Variants in MPPED2 observed in about 807,000 individuals in gnomAD.
The protein encoded by MPPED2 is metallophosphoesterase MPPED2.
In MPPED2, 5 loss-of-function variants were observed where a neutral mutation model predicts 33.0. The observed-to-expected ratio is 0.15, with a 90% CI of 0.08 to 0.32. The LOEUF is 0.32. Ranked by LOEUF, MPPED2 falls within the 10% of genes least tolerant of loss-of-function variation. The pLI is 1.00. For missense variants in MPPED2, 275 were observed against 372.1 expected (o/e 0.74, Z 2.15); for synonymous variants, 136 against 141.9 (o/e 0.96, Z 0.29).
rs759565367 is a variant in MPPED2, at chr11:30,558,672, T to C, written c.128+21574A>G. Among the ~76,000 whole-genome samples the C allele has an allele frequency of 3.5e-4, 53 of 151,978 alleles. 1 individual carries two copies. Among genetic ancestry groups the C allele is most frequent in the Non-Finnish European group, 2.4e-4 (16 of 68,004 alleles). On this transcript the variant is annotated intron_variant, in intron 2 of 6. Transcript: ENST00000358117. ...GCTGGCCTCAAGTAATAACCCTGCGTTGGCCTCCCAAAGTGCTGGGATTAC... is the reference window on the plus strand; with the variant it reads ...GCTGGCCTCAAGTAATAACCCTGCGCTGGCCTCCCAAAGTGCTGGGATTAC...
chr11:30,391,892 A>G (rs557165692), intron 6 of MPPED2, among the ~76,000 whole-genome samples: 2 of 152,344 alleles, frequency 1.3e-5, no homozygotes, highest in Non-Finnish European at 2.9e-5. Flanking sequence ...TGCATTTTCT[A>G]GTCACACCAA....
chr11:30,551,081 A>C (rs866430948), intron 2 of MPPED2, among the ~76,000 whole-genome samples: 12 of 152,318 alleles, frequency 7.9e-5, no homozygotes, highest in South Asian at 2.1e-4. Flanking sequence ...AATTATTCCC[A>C]TTGGAGTCTA....
At chr11:30,388,997 G>C in intron 6 of MPPED2, 1 of 1,525,336 alleles carries the variant, frequency 6.6e-7, no homozygotes, top group Non-Finnish European at 8.8e-7. Context: ...GAGAGAGAGA[G>C]AGATGAACAT....
chr11:30,516,710 A>T (rs959215075), intron 3 of MPPED2, among the ~76,000 whole-genome samples: 5 of 152,230 alleles, frequency 3.3e-5, no homozygotes, highest in Admixed American at 2.6e-4. Flanking sequence ...ACTGTAGATA[A>T]GTGCTAATGC....
chr11:30,472,592 G>A lies in MPPED2; in HGVS notation c.536+22704C>T, dbSNP rs147461299. On this transcript the variant is annotated intron_variant, in intron 4 of 6. Transcript: ENST00000358117. ...AATATTATTCAGCCTTACAAAGAAA[G>A]GAAATTCTAACACATGCTACAACAT... 1.4e-3 allele frequency among the ~76,000 whole-genome samples: 218 copies of A among 152,282 alleles called. 1 individual carries two copies. The highest frequency in any genetic ancestry group is 4.6e-3 in the African/African-American group (192 of 41,558).
chr11:30,518,645 A>T (rs1351392199), intron 3 of MPPED2, among the ~76,000 whole-genome samples: 1 of 152,242 alleles, frequency 6.6e-6, no homozygotes, highest in Admixed American at 6.5e-5. Flanking sequence ...AAAACTATTT[A>T]GCTATATGAT....
intron 6 of MPPED2, among the ~76,000 whole-genome samples, chr11:30,389,761 A>C (rs1408797060): frequency 1.3e-5 from 2 of 152,190 alleles, no homozygotes; most frequent in African/African-American, 4.8e-5. Flanking sequence ...TGAGAGGCTG[A>C]GGCAGGTGTT....
chr11:30,578,464 CA>C (rs1397807188), intron 2 of MPPED2, among the ~76,000 whole-genome samples: 1 of 152,112 alleles, frequency 6.6e-6, no homozygotes, highest in East Asian at 1.9e-4. Context: ...TTTGATCCTT[CA>C]AATTTGTTAT....
At chr11:30,494,727 TA>T (rs1243589654) in intron 4 of MPPED2, among the ~76,000 whole-genome samples, 6 of 73,296 alleles carry the variant, frequency 8.2e-5, no homozygotes, top group Admixed American at 7.3e-4. Flanking sequence ...AACAGAGAGA[TA>T]CTCCACCTCA....
At chr11:30,489,752 C>A (rs941243166) in intron 4 of MPPED2, among the ~76,000 whole-genome samples, 2 of 152,220 alleles carry the variant, frequency 1.3e-5, no homozygotes, top group African/African-American at 4.8e-5. Context: ...AAGCCCCACT[C>A]ATATTCATTA....
At chr11:30,431,903 G>C (rs1221381698) in intron 4 of MPPED2, among the ~76,000 whole-genome samples, 3 of 152,086 alleles carry the variant, frequency 2.0e-5, no homozygotes, top group African/African-American at 7.2e-5. Flanking sequence ...AGCCGGGCAC[G>C]GTGGCTCACG....
intron 6 of MPPED2, among the ~76,000 whole-genome samples, chr11:30,397,846 T>C (rs1439225618): frequency 6.6e-6 from 1 of 152,090 alleles, no homozygotes; most frequent in Non-Finnish European, 1.5e-5. Flanking sequence ...ATGAAAGCTG[T>C]TTACCACCAT....
At chr11:30,404,508 G>C (rs755225953) in intron 6 of MPPED2, among the ~76,000 whole-genome samples, 1 of 152,170 alleles carries the variant, frequency 6.6e-6, no homozygotes, top group African/African-American at 2.4e-5. Context: ...GAAGCTACTT[G>C]GGATTGACAC....
chr11:30,535,858 A>T, intron 3 of MPPED2, 136 bp downstream of exon 3: 2 of 612,708 alleles, frequency 3.3e-6, no homozygotes, highest in Non-Finnish European at 5.3e-6. Context: ...GAATTGGATT[A>T]AAGCTAGACA....
chr11:30,514,921 C>G (rs201540833), intron 3 of MPPED2, among the ~76,000 whole-genome samples: 1 of 152,122 alleles, frequency 6.6e-6, no homozygotes, highest in East Asian at 1.9e-4. Flanking sequence ...TGTGGTGAAA[C>G]TCATCTCTAC....
intron 4 of MPPED2, among the ~76,000 whole-genome samples, chr11:30,489,866 C>T (rs2134174664): frequency 6.6e-6 from 1 of 152,186 alleles, no homozygotes; most frequent in African/African-American, 2.4e-5. Context: ...GCAATATAGA[C>T]CTTTCACTTT....
At chr11:30,557,904 A>G (rs1686936812) in intron 2 of MPPED2, among the ~76,000 whole-genome samples, 1 of 152,244 alleles carries the variant, frequency 6.6e-6, no homozygotes. Context: ...GAACTCACTA[A>G]TGAATTTTAT....
At chr11:30,506,512 AT>A (rs945973826) in intron 3 of MPPED2, among the ~76,000 whole-genome samples, 13 of 152,160 alleles carry the variant, frequency 8.5e-5, no homozygotes, top group African/African-American at 3.1e-4. Flanking sequence ...TGATATGTTT[AT>A]TTTTCCCCCA....
At chr11:30,391,892 A>C (rs557165692) in intron 6 of MPPED2, among the ~76,000 whole-genome samples, 1 of 152,226 alleles carries the variant, frequency 6.6e-6, no homozygotes, top group Non-Finnish European at 1.5e-5. Flanking sequence ...TGCATTTTCT[A>C]GTCACACCAA....
Sources: gnomAD v4.1 joint callset for allele counts (sites outside exome capture counted in the v4.1 genomes callset) on GRCh38, gnomAD v4.1.1 for gene constraint, MANE v1.5 for transcripts, NCBI Gene and HGNC (gene_info 2026-07-23, HGNC 2026-07-21) for gene names.